Variants in PAK1 observed in about 807,000 individuals in gnomAD.
PAK1 encodes p21 (RAC1) activated kinase 1.
PAK1 carries 29 observed loss-of-function variants against 67.4 expected under a neutral mutation model. The observed-to-expected ratio is 0.43, with a 90% CI of 0.32 to 0.59. The LOEUF (loss-of-function observed/expected upper bound fraction) is 0.59, where lower values mean the gene tolerates loss of function less well. Ranked by LOEUF, PAK1 falls within the 20% of genes least tolerant of loss-of-function variation. The pLI is 0.07. For missense variants in PAK1, 337 were observed against 670.7 expected (o/e 0.50, Z 5.50); for synonymous variants, 223 against 237.4 (o/e 0.94, Z 0.56).
chr11:77,420,903 G>T (rs2138183314), intron 1 of PAK1, among the ~76,000 whole-genome samples: 1 of 152,282 alleles, frequency 6.6e-6, no homozygotes, highest in South Asian at 2.1e-4. Context: ...TCATAACAAA[G>T]AATTATCCTG....
chr11:77,449,428 T>G (rs576425910), intron 1 of PAK1, among the ~76,000 whole-genome samples: 1 of 152,264 alleles, frequency 6.6e-6, no homozygotes, highest in Admixed American at 6.5e-5. Flanking sequence ...GACCATTCAG[T>G]TCAACATCTC....
At chr11:77,502,417 TCCA>T in the PAK1 span, among the ~76,000 whole-genome samples, 1 of 152,226 alleles carries the variant, frequency 6.6e-6, no homozygotes, top group Non-Finnish European at 1.5e-5. Context: ...TAGTTTTATT[TCCA>T]AGTTTTATGA....
chr11:77,328,735 A>G (rs1940672876), intron 14 of PAK1, among the ~76,000 whole-genome samples: 1 of 152,234 alleles, frequency 6.6e-6, no homozygotes, highest in Admixed American at 6.5e-5. Context: ...TAGAAAAGCA[A>G]GAGCAAACAC....
At chr11:77,417,449 C>T (rs966383826) in intron 1 of PAK1, among the ~76,000 whole-genome samples, 1 of 152,056 alleles carries the variant, frequency 6.6e-6, no homozygotes, top group East Asian at 1.9e-4. Context: ...AGATAAGTGG[C>T]GGCCAGGTAT....
chr11:77,386,375 A>C (rs1358318238), intron 2 of PAK1, among the ~76,000 whole-genome samples: 1 of 152,224 alleles, frequency 6.6e-6, no homozygotes. Context: ...AGAGAATTCC[A>C]CTTTGCTTGT....
chr11:77,429,392 C>A (rs1053078502), intron 1 of PAK1, among the ~76,000 whole-genome samples: 2 of 152,104 alleles, frequency 1.3e-5, no homozygotes, highest in African/African-American at 4.8e-5. Context: ...CATAGTACTG[C>A]CTACAAAATA....
intron 14 of PAK1, among the ~76,000 whole-genome samples, chr11:77,332,491 G>T (rs747705987): frequency 6.6e-6 from 1 of 150,868 alleles, no homozygotes; most frequent in African/African-American, 2.4e-5. Flanking sequence ...TAGGTGCTCA[G>T]AAAATAGATT....
chr11:77,332,142 A>G (rs1316609263), intron 14 of PAK1, among the ~76,000 whole-genome samples: 1 of 150,894 alleles, frequency 6.6e-6, no homozygotes. Flanking sequence ...CGTCTCTACA[A>G]AAAAGTTTTT....
chr11:77,407,669 G>A (rs1237129442), intron 1 of PAK1, among the ~76,000 whole-genome samples: 2 of 152,186 alleles, frequency 1.3e-5, no homozygotes, highest in East Asian at 3.9e-4. Flanking sequence ...GCCAGTGGAA[G>A]CGAAAATGCC....
intron 1 of PAK1, among the ~76,000 whole-genome samples, chr11:77,417,104 AATC>A (rs1446655400): frequency 2.0e-5 from 3 of 152,214 alleles, no homozygotes; most frequent in Non-Finnish European, 2.9e-5. Context: ...TCACTGACTG[AATC>A]ATCATTATGT....
chr11:77,493,275 GTTTT>G, the PAK1 span, among the ~76,000 whole-genome samples: 1 of 128,032 alleles, frequency 7.8e-6, no homozygotes, highest in South Asian at 2.5e-4. Context: ...TTTTTTTGTT[GTTTT>G]TTTTTTTTTT....
At chr11:77,325,235 AGTTGTGATACTC>A in intron 14 of PAK1, 1 of 1,494,820 alleles carries the variant, frequency 6.7e-7, no homozygotes, top group Non-Finnish European at 9.2e-7. Context: ...AAGGGCTTCC[AGTTGTGATACTC>A]TTTGAGCCTA....
At chr11:77,467,087 A>T (rs1416472976) in intron 1 of PAK1, among the ~76,000 whole-genome samples, 1 of 152,216 alleles carries the variant, frequency 6.6e-6, no homozygotes, top group Non-Finnish European at 1.5e-5. Flanking sequence ...AGGGCTCCCC[A>T]AACAGGCTCT....
chr11:77,412,283 C>T (rs963512193), intron 1 of PAK1, among the ~76,000 whole-genome samples: 3 of 152,014 alleles, frequency 2.0e-5, no homozygotes, highest in African/African-American at 7.2e-5. Flanking sequence ...CAGGTCAGAC[C>T]TACGATTCAG....
chr11:77,353,815 T>C (rs1945618570), intron 7 of PAK1, among the ~76,000 whole-genome samples: 1 of 152,186 alleles, frequency 6.6e-6, no homozygotes, highest in Non-Finnish European at 1.5e-5. Context: ...ATTCCATTTC[T>C]AAACTCCTAA....
At chr11:77,371,184 T>G (rs1948382169) in intron 5 of PAK1, among the ~76,000 whole-genome samples, 1 of 152,140 alleles carries the variant, frequency 6.6e-6, no homozygotes, top group Admixed American at 6.5e-5. Flanking sequence ...AATCTTAGAG[T>G]CAGATCTCAG....
At chr11:77,459,659 G>GTAAGAGGAAAA (rs1957230707) in intron 1 of PAK1, among the ~76,000 whole-genome samples, 1 of 150,346 alleles carries the variant, frequency 6.7e-6, no homozygotes, top group Non-Finnish European at 1.5e-5. Context: ...ACAAAGTGCT[G>GTAAGAGGAAAA]TAAGAGGAAA....
At chr11:77,510,326 T>C in the PAK1 span, among the ~76,000 whole-genome samples, 4 of 152,262 alleles carry the variant, frequency 2.6e-5, no homozygotes, top group African/African-American at 9.6e-5. Context: ...TGTGACTGCC[T>C]GTGAAAGGGT....
the PAK1 span, among the ~76,000 whole-genome samples, chr11:77,493,445 ATTTTTTTTTT>A: frequency 4.2e-5 from 3 of 70,964 alleles, no homozygotes; most frequent in African/African-American, 1.4e-4. Context: ...TGCCCAGCTA[ATTTTTTTTTT>A]TTTTTTTTTT....
Sources: gnomAD v4.1 joint callset for allele counts (sites outside exome capture counted in the v4.1 genomes callset) on GRCh38, gnomAD v4.1.1 for gene constraint, MANE v1.5 for transcripts, NCBI Gene and HGNC (gene_info 2026-07-23, HGNC 2026-07-21) for gene names.